ME3: variants seen among roughly 807,000 people sequenced by gnomAD.
The protein encoded by ME3 is NADP-dependent malic enzyme, mitochondrial.
A neutral mutation model predicts 68.9 loss-of-function variants in ME3; 48 were observed. The observed-to-expected ratio is 0.70, with a 90% CI of 0.55 to 0.89. The LOEUF is 0.89. Among genes scored for constraint, ME3 ranks in the 40% least tolerant of loss-of-function variants. The pLI, the probability that ME3 is intolerant of heterozygous loss-of-function variation, is 0.00. For synonymous variants in ME3, 320 were observed against 318.8 expected (o/e 1.00, Z -0.04); for missense variants, 675 against 797.4 (o/e 0.85, Z 1.85).
At chr11:86,536,993 G>T (rs61345736) in intron 4 of ME3, among the ~76,000 whole-genome samples, 3,174 of 151,612 alleles carry the variant, frequency 0.021, 102 homozygotes, top group African/African-American at 0.073. Context: ...GTAGGGACAT[G>T]GATGAAATTG....
At chr11:86,623,157 G>A (rs1418534450) in intron 2 of ME3, among the ~76,000 whole-genome samples, 1 of 152,164 alleles carries the variant, frequency 6.6e-6, no homozygotes, top group Non-Finnish European at 1.5e-5. Context: ...AAGAAGATCT[G>A]CGTCGTCTCA....
intron 4 of ME3, among the ~76,000 whole-genome samples, chr11:86,544,854 C>T (rs1048060116): frequency 6.6e-6 from 1 of 152,090 alleles, no homozygotes; most frequent in Non-Finnish European, 1.5e-5. Context: ...AGACACAACA[C>T]AAAAAGAATT....
At chr11:86,621,874 G>T (rs1309898741) in intron 2 of ME3, among the ~76,000 whole-genome samples, 1 of 152,136 alleles carries the variant, frequency 6.6e-6, no homozygotes, top group Admixed American at 6.5e-5. Flanking sequence ...AATGAACCCT[G>T]TAAAGCAGAA....
chr11:86,530,195 T>C (rs1955099318), intron 4 of ME3, among the ~76,000 whole-genome samples: 1 of 152,114 alleles, frequency 6.6e-6, no homozygotes, highest in Non-Finnish European at 1.5e-5. Flanking sequence ...ACAAGCATTC[T>C]TATACACCAA....
intron 4 of ME3, among the ~76,000 whole-genome samples, chr11:86,535,355 G>C (rs191560692): frequency 5.3e-5 from 8 of 152,244 alleles, no homozygotes; most frequent in African/African-American, 1.9e-4. Context: ...GGCTTATCCA[G>C]GGTTCATCCT....
chr11:86,627,159 T>A (rs1303456223), intron 2 of ME3, among the ~76,000 whole-genome samples: 1 of 152,224 alleles, frequency 6.6e-6, no homozygotes, highest in Non-Finnish European at 1.5e-5. Context: ...TTGGAGACAA[T>A]GTTAGAGATT....
At chr11:86,625,651 G>T (rs2135290572) in intron 2 of ME3, among the ~76,000 whole-genome samples, 1 of 152,318 alleles carries the variant, frequency 6.6e-6, no homozygotes, top group Non-Finnish European at 1.5e-5. Flanking sequence ...AGGCACAGGG[G>T]ATCAGCAGAA....
At chr11:86,535,228 C>T (rs973068266) in intron 4 of ME3, among the ~76,000 whole-genome samples, 1 of 152,160 alleles carries the variant, frequency 6.6e-6, no homozygotes, top group African/African-American at 2.4e-5. Flanking sequence ...ACTCCCACCC[C>T]CTTACAATCC....
intron 2 of ME3, among the ~76,000 whole-genome samples, chr11:86,638,025 C>A (rs1277959625): frequency 2.0e-5 from 3 of 149,860 alleles, no homozygotes; most frequent in Admixed American, 2.0e-4. Flanking sequence ...CAGGTTCTGT[C>A]TTTACTATGG....
chr11:86,459,409 A>G (rs900792277), intron 8 of ME3, among the ~76,000 whole-genome samples: 3 of 152,130 alleles, frequency 2.0e-5, no homozygotes, highest in Admixed American at 2.0e-4. Flanking sequence ...TCACGAGCCT[A>G]TTAGGCATCA....
At chr11:86,624,827 G>C (rs1233418771) in intron 2 of ME3, among the ~76,000 whole-genome samples, 1 of 152,208 alleles carries the variant, frequency 6.6e-6, no homozygotes, top group Admixed American at 6.5e-5. Context: ...AGATCACAGA[G>C]GGTCTCATGT....
exon 15 of ME3, chr11:86,441,294 A>G (rs752496921): frequency 2.5e-6 from 4 of 1,604,918 alleles, no homozygotes; most frequent in Non-Finnish European, 3.4e-6. Context: ...CCGTCTGAAC[A>G]TTCATGGCTT....
intron 4 of ME3, among the ~76,000 whole-genome samples, chr11:86,525,148 G>GT (rs1186647713): frequency 2.0e-5 from 3 of 152,170 alleles, no homozygotes; most frequent in Non-Finnish European, 4.4e-5. Flanking sequence ...CTGGTTAGTA[G>GT]TGACCTTGAC....
chr11:86,672,006 G>A, intron 1 of ME3, 48 bp from the exon 2 acceptor site: 1 of 1,322,428 alleles, frequency 7.6e-7, no homozygotes, highest in South Asian at 1.9e-5. Flanking sequence ...CAGCCAGCCA[G>A]GACCCACGCG....
At chr11:86,631,543 A>C (rs1944016369) in intron 2 of ME3, among the ~76,000 whole-genome samples, 1 of 152,172 alleles carries the variant, frequency 6.6e-6, no homozygotes, top group South Asian at 2.1e-4. Flanking sequence ...CTTAAAAAAA[A>C]AATTCCTTAG....
chr11:86,657,780 G>A (rs1396638738), intron 2 of ME3, among the ~76,000 whole-genome samples: 2 of 152,106 alleles, frequency 1.3e-5, no homozygotes, highest in African/African-American at 2.4e-5. Flanking sequence ...TTTATTATCT[G>A]TCTTTCTCAC....
At chr11:86,510,603 T>G (rs894177568) in intron 4 of ME3, among the ~76,000 whole-genome samples, 8 of 152,188 alleles carry the variant, frequency 5.3e-5, no homozygotes, top group African/African-American at 1.9e-4. Context: ...TTCTTTGCTG[T>G]GAGGGGTGTG....
intron 4 of ME3, among the ~76,000 whole-genome samples, chr11:86,509,644 G>A (rs1953366500): frequency 6.6e-6 from 1 of 151,726 alleles, no homozygotes; most frequent in South Asian, 2.1e-4. Flanking sequence ...GAGAAGCCAG[G>A]AAATGAAGAG....
At chr11:86,498,505 TA>T (rs1273373700) in intron 5 of ME3, among the ~76,000 whole-genome samples, 2 of 151,928 alleles carry the variant, frequency 1.3e-5, no homozygotes, top group African/African-American at 4.8e-5. Flanking sequence ...AAGGAGAAAA[TA>T]AAAAATACGT....
Sources: gnomAD v4.1 joint callset for allele counts (sites outside exome capture counted in the v4.1 genomes callset) on GRCh38, gnomAD v4.1.1 for gene constraint, MANE v1.5 for transcripts, NCBI Gene and HGNC (gene_info 2026-07-23, HGNC 2026-07-21) for gene names.